The following ASAP3 variants were observed in gnomAD, a reference collection of about 807,000 sequenced individuals.
ASAP3 encodes ArfGAP with SH3 domain, ankyrin repeat and PH domain 3, also known as arf-GAP with SH3 domain, ANK repeat and PH domain-containing protein 3.
A neutral mutation model predicts 118.2 loss-of-function variants in ASAP3; 85 were observed. The observed-to-expected ratio is 0.72, with a 90% CI of 0.60 to 0.86. The LOEUF (loss-of-function observed/expected upper bound fraction) is 0.86, where lower values mean the gene tolerates loss of function less well. ASAP3 is among the 40% of genes least tolerant of loss of function. The pLI, the probability that ASAP3 is intolerant of heterozygous loss-of-function variation, is 0.00. For synonymous variants in ASAP3, 432 were observed against 477.4 expected (o/e 0.90, Z 1.24); for missense variants, 1,026 against 1,175.0 (o/e 0.87, Z 1.85).
At chr1:23,481,196 C>T (rs1642295257) in intron 1 of ASAP3, among the ~76,000 whole-genome samples, 2 of 152,144 alleles carry the variant, frequency 1.3e-5, no homozygotes, top group African/African-American at 4.8e-5. Flanking sequence ...GTCCCTCAGC[C>T]CTGACATTCT....
chr1:23,436,062 G>A lies in ASAP3; in HGVS notation c.1572-34C>T, dbSNP rs766347416. 6.2e-7 allele frequency: 1 copy of A among 1,610,008 alleles called. No homozygotes were observed. The highest frequency in any genetic ancestry group is 8.5e-7 in the Non-Finnish European group (1 of 1,176,674). On this transcript the variant is annotated intron_variant, in intron 16 of 24. Coordinates refer to ENST00000336689, the MANE Select transcript of ASAP3 (RefSeq NM_017707.4). The surrounding 1 kb of genome is among the most constrained non-coding windows in gnomAD (Gnocchi z 4.2). The stretch of plus-strand genomic sequence containing the variant: ...AACAACCACAGGATCTCAGAGCATG[G>A]ACCGTGTCTGCCCAGCTGATCCCTG...
intron 1 of ASAP3, among the ~76,000 whole-genome samples, chr1:23,472,947 C>A (rs1642006425): frequency 6.6e-6 from 1 of 152,104 alleles, no homozygotes; most frequent in Non-Finnish European, 1.5e-5. Flanking sequence ...GAATTCAAAC[C>A]CAAGTCTGTC....
At chr1:23,442,766 G>T in intron 5 of ASAP3, 154 bp from the exon 6 acceptor site, 1 of 1,145,080 alleles carries the variant, frequency 8.7e-7, no homozygotes, top group Non-Finnish European at 1.2e-6. Flanking sequence ...GACAGTTTAG[G>T]GAATCCACAG....
chr1:23,439,077 G>C (rs1318843568), intron 11 of ASAP3, 84 bp downstream of exon 11: 1 of 1,538,834 alleles, frequency 6.5e-7, no homozygotes, highest in Non-Finnish European at 9.0e-7. Flanking sequence ...CAGTCTTAGA[G>C]GGAGGGCTTG....
chr1:23,436,217 C>A lies in ASAP3; in HGVS notation c.1572-189G>T, dbSNP rs1570333866. ...TCACTCTATTGCCCAGGAGGGAGTG[C>A]AGTGGCGCAATCTCGTTTCACTACA... is the stretch of plus-strand genomic sequence containing the variant. On this transcript the variant is annotated intron_variant, in intron 16 of 24. Coordinates refer to ENST00000336689, the MANE Select transcript of ASAP3 (RefSeq NM_017707.4). This position sits in a 1 kb window ranked among gnomAD's most constrained non-coding sequence, Gnocchi z 4.2. Among the ~76,000 whole-genome samples, 1 of 152,156 alleles carries A rather than the reference C, an allele frequency of 6.6e-6. No homozygotes were observed. The highest frequency in any genetic ancestry group is 1.9e-4 in the East Asian group (1 of 5,188).
intron 3 of ASAP3, among the ~76,000 whole-genome samples, chr1:23,455,635 A>AC (rs1027259503): frequency 6.6e-6 from 1 of 151,936 alleles, no homozygotes. Flanking sequence ...CTGCTGTGAG[A>AC]CCCCCTCTGC....
At position 23,429,642 on chromosome 1, in the gene ASAP3, T is replaced by C; in HGVS notation, c.*214A>G. ...CCCAGGCCCCTAGCGGGTAATGAGATAGGAAAGAACCGCCATCAGTCCTAA... is the reference window on the plus strand; with the variant it reads ...CCCAGGCCCCTAGCGGGTAATGAGACAGGAAAGAACCGCCATCAGTCCTAA... On this transcript the variant is annotated 3_prime_UTR_variant, in exon 25 of 25. Transcript: ENST00000336689. The C allele has an allele frequency of 2.1e-6, 1 of 484,210 alleles. No individual in the cohort carries two copies. The allele number at this position is 484,210 out of a possible 1,614,324, so 30.0% of individuals were successfully genotyped here.
rs147466672 is a variant in ASAP3, at chr1:23,442,257, G to A, written c.600C>T (p.Ala200=). ...GACCTTGCTTCATCTGGCTCTCCCC[G>A]GCTTTGAGCAGATACTAGGAGGAGG... ...QLHMCEYLLK[A]GESQMKQGPD... Residue 200 remains alanine (A), a synonymous_variant, in exon 7 of 25, where the codon GCC becomes GCT. Coordinates refer to ENST00000336689, the MANE Select transcript of ASAP3 (RefSeq NM_017707.4). 13 of 1,605,074 alleles carry A rather than the reference G, an allele frequency of 8.1e-6. No individual in the cohort carries two copies. Among genetic ancestry groups the A allele is most frequent in the East Asian group, 4.5e-5 (2 of 44,700 alleles).
chr1:23,436,153 T>G lies in ASAP3; in HGVS notation c.1572-125A>C. 9.2e-7 allele frequency: 1 copy of G among 1,089,876 alleles called. No individual in the cohort carries two copies. Among genetic ancestry groups the G allele is most frequent in the Non-Finnish European group, 1.3e-6 (1 of 756,302 alleles). The allele number at this position is 1,089,876 out of a possible 1,614,324, so 67.5% of individuals were successfully genotyped here. A position where few individuals can be genotyped will look rare whatever the true frequency, so the allele number is the denominator to read the frequency against. ...ACCATGTCCTGAAGACGTCTAGATC[T>G]GAGGCTCCCCTCTCCCCAGGCTTTT... is the stretch of plus-strand genomic sequence containing the variant. On this transcript the variant is annotated intron_variant, in intron 16 of 24. Transcript: ENST00000336689. The surrounding 1 kb of genome is among the most constrained non-coding windows in gnomAD (Gnocchi z 4.2).
rs144319319 is a variant in ASAP3, at chr1:23,433,664, T to C, written c.1981A>G (p.Ile661Val). ...TCCTTGTGGTGCTTCTTCCTGGCTA[T>C]GTCCAGAGCTGTCTCGCCTGCTTCA... ...VNEAGETALD[I>V]ARKKHHKECE... Residue 661 changes from isoleucine to valine, a missense_variant, in exon 20 of 25, where the codon ATA becomes GTA. Physicochemically the swap from Ile to Val is conservative, Grantham distance 29 (BLOSUM62 3). Transcript: ENST00000336689. The C allele has an allele frequency of 7.9e-5, 127 of 1,614,268 alleles. 1 individual carries two copies. The African/African-American group carries it at 1.5e-3, about 19-fold the overall frequency.
chr1:23,447,779 T>C (rs987783397), intron 5 of ASAP3, among the ~76,000 whole-genome samples: 17 of 152,236 alleles, frequency 1.1e-4, no homozygotes, highest in Non-Finnish European at 1.8e-4. Flanking sequence ...AAGATGCTAC[T>C]TAACTCAAGG....
At chr1:23,432,739 C>T (rs1030153648) in intron 22 of ASAP3, among the ~76,000 whole-genome samples, 1 of 152,222 alleles carries the variant, frequency 6.6e-6, no homozygotes, top group Non-Finnish European at 1.5e-5. Flanking sequence ...CAGTTTTTAT[C>T]TCCCCTACTA....
At chr1:23,431,267 C>T in intron 23 of ASAP3, 142 bp from the exon 24 acceptor site, 1 of 800,964 alleles carries the variant, frequency 1.2e-6, no homozygotes, top group South Asian at 1.7e-5. Context: ...AGGTCCATCA[C>T]AGGCCCAAGA....
Position 23,441,694 on chromosome 1 carries a change from C to G in ASAP3, c.708G>C (p.Leu236=), listed in dbSNP as rs1490920344. Residue 236 remains leucine, a synonymous_variant, in exon 8 of 25, where the codon CTG becomes CTC. Transcript: ENST00000336689. ...FQDGWKAAQS[L]FPFIEKLAAS... The stretch of plus-strand genomic sequence containing the variant: ...CCGCCAGCTTCTCGATGAAGGGGAA[C>G]AGGCTCTGGGCAGCCTTCCAGCCAT... The G allele has an allele frequency of 6.2e-7, 1 of 1,614,164 alleles. No individual in the cohort carries two copies. Among genetic ancestry groups the G allele is most frequent in the Admixed American group, 1.7e-5 (1 of 60,022 alleles).
chr1:23,457,711 T>C (rs193113936), intron 1 of ASAP3, among the ~76,000 whole-genome samples: 4 of 152,212 alleles, frequency 2.6e-5, no homozygotes, highest in African/African-American at 7.2e-5. Flanking sequence ...CGGGGTTTCA[T>C]TGTGTTGGCC....
Position 23,436,970 on chromosome 1 carries a change from C to T in ASAP3, c.1417G>A (p.Val473Met). ...QCSGVHRELG[V>M]RFSRMQSLTL... ...AGTGACTGCATGCGCGAAAAGCGCA[C>T]GCCCAGTTCGCGGTGGACGCCCGAG... is the stretch of plus-strand genomic sequence containing the variant. The change falls in exon 15 of 25, where the codon GTG becomes ATG. Residue 473 changes from valine (V) to methionine (M), a missense_variant. Val to Met is a conservative substitution (Grantham distance 21). Coordinates refer to ENST00000336689, the MANE Select transcript of ASAP3 (RefSeq NM_017707.4). The surrounding 1 kb of genome is among the most constrained non-coding windows in gnomAD (Gnocchi z 4.2). 1 of 1,612,490 alleles carries T rather than the reference C, an allele frequency of 6.2e-7. No homozygotes were observed. Among genetic ancestry groups the T allele is most frequent in the Non-Finnish European group, 8.5e-7 (1 of 1,179,754 alleles).
chr1:23,461,506 A>T (rs1251744595), intron 1 of ASAP3, among the ~76,000 whole-genome samples: 4 of 152,024 alleles, frequency 2.6e-5, no homozygotes, highest in Non-Finnish European at 5.9e-5. Context: ...GTCTCTACAA[A>T]AAATTAAAAA....
At chr1:23,470,130 C>T (rs572697695) in intron 1 of ASAP3, among the ~76,000 whole-genome samples, 4 of 152,020 alleles carry the variant, frequency 2.6e-5, no homozygotes, top group Admixed American at 2.0e-4. Context: ...TGCCTCTGAG[C>T]GAGTTCCTTC....
intron 5 of ASAP3, among the ~76,000 whole-genome samples, chr1:23,444,870 A>C (rs574067781): frequency 7.3e-5 from 11 of 151,568 alleles, no homozygotes; most frequent in Non-Finnish European, 1.6e-4. Context: ...TTGTATGTTT[A>C]GCAGCCTCCC....
Sources: allele counts gnomAD v4.1 joint callset (sites outside exome capture counted in the v4.1 genomes callset), GRCh38; gene constraint gnomAD v4.1.1; non-coding constraint Gnocchi (gnomAD v3.1); transcripts MANE v1.5; gene names NCBI Gene and HGNC (gene_info 2026-07-23, HGNC 2026-07-21).